The following ATG13 variants were observed in gnomAD, a reference collection of about 807,000 sequenced individuals.
The protein encoded by ATG13 is autophagy related 13, also known as autophagy-related protein 13.
A neutral mutation model predicts 65.5 loss-of-function variants in ATG13; 23 were observed. That is an observed-to-expected ratio of 0.35 (90% CI 0.25 to 0.50). ATG13 has a LOEUF of 0.50. Among genes scored for constraint, ATG13 ranks in the 20% least tolerant of loss-of-function variants. ATG13 has a pLI of 0.98. For missense variants in ATG13, 566 were observed against 677.0 expected (o/e 0.84, Z 1.82); for synonymous variants, 252 against 245.2 (o/e 1.03, Z -0.26).
At chr11:46,659,312 C>T in intron 10 of ATG13, 80 bp from the exon 11 acceptor site, 3 of 1,146,550 alleles carry the variant, frequency 2.6e-6, no homozygotes, top group South Asian at 2.6e-5. Flanking sequence ...GGTCCCATCT[C>T]TATCTAATCA....
At chr11:46,629,524 G>A (rs1176541173) in intron 1 of ATG13, among the ~76,000 whole-genome samples, 1 of 152,014 alleles carries the variant, frequency 6.6e-6, no homozygotes. Flanking sequence ...AGCCTCCCAA[G>A]TAGCTGGGAT....
At chr11:46,647,497 C>G (rs958698944) in intron 5 of ATG13, among the ~76,000 whole-genome samples, 36 of 151,862 alleles carry the variant, frequency 2.4e-4, no homozygotes, top group African/African-American at 8.7e-4. Flanking sequence ...AGGCTGGTCT[C>G]GAACTCCTGA....
intron 1 of ATG13, among the ~76,000 whole-genome samples, chr11:46,619,494 C>T (rs1174174512): frequency 6.8e-6 from 1 of 148,062 alleles, no homozygotes; most frequent in Non-Finnish European, 1.5e-5. Flanking sequence ...AAGCGATTCT[C>T]CTGCCTCAGC....
chr11:46,672,604 G>C lies in ATG13; in HGVS notation c.*272G>C, dbSNP rs902822697. ...GAAAAAGCCCTCAGCAGGGCCATCT[G>C]TGTGCCCTGCCCATCACCAACTGCT... On this transcript the variant is annotated 3_prime_UTR_variant, in exon 19 of 19. Transcript: ENST00000683050. 1 of 1,422,816 alleles carries C rather than the reference G, an allele frequency of 7.0e-7. No individual in the cohort carries two copies. The highest frequency in any genetic ancestry group is 9.3e-7 in the Non-Finnish European group (1 of 1,073,558). The allele number at this position is 1,422,816 out of a possible 1,614,324, so 88.1% of individuals were successfully genotyped here. A position where few individuals can be genotyped will look rare whatever the true frequency, so the allele number is the denominator to read the frequency against.
intron 2 of ATG13, among the ~76,000 whole-genome samples, chr11:46,641,996 C>G (rs2056182589): frequency 6.6e-6 from 1 of 151,970 alleles, no homozygotes; most frequent in African/African-American, 2.4e-5. Flanking sequence ...AGGCTGGTCT[C>G]CAACTCCTGG....
intron 7 of ATG13, 128 bp downstream of exon 7, chr11:46,650,445 G>A (rs559425965): frequency 7.9e-6 from 10 of 1,272,538 alleles, no homozygotes; most frequent in Admixed American, 2.1e-5. Flanking sequence ...TGATGCTGTC[G>A]CTTTCATGTG....
intron 2 of ATG13, 86 bp from the exon 3 acceptor site, chr11:46,644,193 A>G (rs557883070): frequency 9.8e-7 from 1 of 1,017,866 alleles, no homozygotes; most frequent in South Asian, 1.8e-5. Flanking sequence ...TTCCTAGGCT[A>G]GTAGACAATA....
chr11:46,633,064 G>A (rs1278498459), intron 2 of ATG13, among the ~76,000 whole-genome samples: 4 of 129,602 alleles, frequency 3.1e-5, no homozygotes, highest in South Asian at 2.7e-4. Context: ...TTGCTCTGTC[G>A]CCCAGGCTGG....
intron 5 of ATG13, among the ~76,000 whole-genome samples, chr11:46,648,176 A>G (rs1158358412): frequency 1.3e-5 from 2 of 151,738 alleles, no homozygotes; most frequent in African/African-American, 2.4e-5. Context: ...GCTCACTGCA[A>G]CCTTCCCCTC....
intron 2 of ATG13, among the ~76,000 whole-genome samples, chr11:46,637,068 G>C (rs1565465952): frequency 6.6e-6 from 1 of 152,138 alleles, no homozygotes; most frequent in Non-Finnish European, 1.5e-5. Flanking sequence ...AGGATCAGAG[G>C]TTTCCTAAGG....
Position 46,622,115 on chromosome 11 carries a change from ATATATATATATATT to A in ATG13, c.-70+4229_-70+4242del, listed in dbSNP as rs1317207507. Reference sequence around the variant, plus strand: ...TATATATATATATATATATATATATATATATATATATATTTATTTTAGAGATGGTATTTGCCCTG... The same window carrying A: ...TATATATATATATATATATATATATATATTTTAGAGATGGTATTTGCCCTG... On this transcript the variant is annotated intron_variant, in intron 1 of 18. Coordinates refer to ENST00000683050, the MANE Select transcript of ATG13 (RefSeq NM_001346311.2). 3.7e-5 allele frequency among the ~76,000 whole-genome samples: 3 copies of A among 80,650 alleles called. No individual in the cohort carries two copies. In the East Asian group the frequency reaches 9.8e-4, roughly 26 times the overall value. 52.9% of individuals were successfully genotyped at this position (80,650 alleles called of 152,430 possible). A position where few individuals can be genotyped will look rare whatever the true frequency, so the allele number is the denominator to read the frequency against.
chr11:46,620,849 A>G (rs999548104), intron 1 of ATG13, among the ~76,000 whole-genome samples: 4 of 152,160 alleles, frequency 2.6e-5, no homozygotes, highest in Admixed American at 2.6e-4. Context: ...GTAAAGGTAA[A>G]TCAAGAATTC....
intron 9 of ATG13, 32 bp from the exon 10 acceptor site, chr11:46,657,492 A>G: frequency 6.3e-7 from 1 of 1,596,888 alleles, no homozygotes; most frequent in Non-Finnish European, 8.6e-7. Flanking sequence ...AGGCATTCTA[A>G]CAAATACTGG....
At position 46,643,552 on chromosome 11, in the gene ATG13, G is replaced by A. The variant is rs140335160; in HGVS notation, c.-13-727G>A. Among the ~76,000 whole-genome samples the A allele has an allele frequency of 6.2e-3, 931 of 150,898 alleles. 9 individuals are homozygous for A. The highest frequency in any genetic ancestry group is 9.2e-3 in the Non-Finnish European group (628 of 67,894). On this transcript the variant is annotated intron_variant, in intron 2 of 18. Transcript: ENST00000683050. ...TGTTTATACCTCTTTGTTCATGCTC[G>A]TCTCTCTCTAAATGCATTCTTTCTC...
rs1485114847 is a variant in ATG13 at position 46,674,484 on chromosome 11, C to G, written c.*2152C>G. The G allele has an allele frequency of 1.3e-5, 2 of 152,214 alleles. No homozygotes were observed. Among genetic ancestry groups the G allele is most frequent in the Admixed American group, 6.5e-5 (1 of 15,282 alleles). The allele number at this position is 152,214 out of a possible 1,614,324, so 9.4% of individuals were successfully genotyped here. Reference sequence around the variant, plus strand: ...ACCGAGCTACACTTCAAAATGTATTCAAGGGATTTCCAATAAATTTTTTTC... The same window carrying G: ...ACCGAGCTACACTTCAAAATGTATTGAAGGGATTTCCAATAAATTTTTTTC... On this transcript the variant is annotated 3_prime_UTR_variant, in exon 19 of 19. Transcript: ENST00000683050.
At chr11:46,672,104 G>A in intron 18 of ATG13, 151 bp from the exon 19 acceptor site, 2 of 1,227,952 alleles carry the variant, frequency 1.6e-6, no homozygotes, top group Non-Finnish European at 2.3e-6. Context: ...CCTACCCTGT[G>A]CCTACGCAGC....
chr11:46,668,386 G>A, intron 15 of ATG13, 113 bp from the exon 16 acceptor site: 1 of 1,047,458 alleles, frequency 9.5e-7, no homozygotes, highest in Non-Finnish European at 1.5e-6. Flanking sequence ...GGGGCAGCAT[G>A]GTCAGCATAG....
At chr11:46,646,503 GC>G (rs1413146718) in intron 5 of ATG13, among the ~76,000 whole-genome samples, 1 of 152,024 alleles carries the variant, frequency 6.6e-6, no homozygotes, top group East Asian at 1.9e-4. Context: ...CACTCTTGTT[GC>G]CCAGGCTGGA....
At position 46,657,515 on chromosome 11, in the gene ATG13, G is replaced by A; in HGVS notation, c.597-9G>A. ...TAACAAATACTGGAATCTGCTTATT[G>A]TATTACAGGCAATTTGAGAGGACCC... On this transcript the variant is annotated splice_polypyrimidine_tract_variant and intron_variant, in intron 9 of 18. Coordinates refer to ENST00000683050, the MANE Select transcript of ATG13 (RefSeq NM_001346311.2). The A allele has an allele frequency of 6.2e-7, 1 of 1,610,682 alleles. No homozygotes were observed. Among genetic ancestry groups the A allele is most frequent in the Non-Finnish European group, 8.5e-7 (1 of 1,176,856 alleles).
Sources: gnomAD v4.1 joint callset for allele counts (sites outside exome capture counted in the v4.1 genomes callset) on GRCh38, gnomAD v4.1.1 for gene constraint, MANE v1.5 for transcripts, NCBI Gene and HGNC (gene_info 2026-07-23, HGNC 2026-07-21) for gene names.